TCF3: variants seen among roughly 807,000 people sequenced by gnomAD.
TCF3 encodes transcription factor 3, also known as transcription factor E2-alpha.
In TCF3, 54 loss-of-function variants were observed where a neutral mutation model predicts 72.3. The ratio of observed to expected loss-of-function variants is 0.75; its 90% CI spans 0.60 to 0.94. The LOEUF (loss-of-function observed/expected upper bound fraction) is 0.94, where lower values mean the gene tolerates loss of function less well. Ranked by LOEUF, TCF3 falls within the 40% of genes least tolerant of loss-of-function variation. The pLI, the probability that TCF3 is intolerant of heterozygous loss-of-function variation, is 0.00. For missense variants in TCF3, 1,078 were observed against 934.4 expected (o/e 1.15, Z -2.00); for synonymous variants, 525 against 412.6 (o/e 1.27, Z -3.30).
chr19:1,617,968 G>A (rs981883265), intron 16 of TCF3, among the ~76,000 whole-genome samples: 4 of 152,156 alleles, frequency 2.6e-5, no homozygotes, highest in African/African-American at 9.7e-5. Context: ...ATAGAATCAA[G>A]GTACTTGGAA....
Position 1,645,285 on chromosome 19 carries a change from C to T in TCF3, c.145+1070G>A, listed in dbSNP as rs1038411206. Reference sequence around the variant, plus strand: ...GCCCCAACCCGAGGCCCCCACTCCCCGGAAAGATGCTGATGTCCACAAAGA... The same window carrying T: ...GCCCCAACCCGAGGCCCCCACTCCCTGGAAAGATGCTGATGTCCACAAAGA... On this transcript the variant is annotated intron_variant, in intron 3 of 18. Coordinates refer to ENST00000262965, the MANE Select transcript of TCF3 (RefSeq NM_003200.5). Among the ~76,000 whole-genome samples the T allele has an allele frequency of 2.4e-4, 36 of 152,070 alleles. 1 individual carries two copies. The highest frequency in any genetic ancestry group is 2.1e-4 in the South Asian group (1 of 4,824).
At chr19:1,630,691 C>T (rs943306617) in intron 5 of TCF3, among the ~76,000 whole-genome samples, 1 of 152,192 alleles carries the variant, frequency 6.6e-6, no homozygotes, top group South Asian at 2.1e-4. Context: ...AAGGATCCCG[C>T]ATCCCAGGAT....
chr19:1,648,823 G>GT (rs1446318718), intron 2 of TCF3, among the ~76,000 whole-genome samples: 1 of 150,758 alleles, frequency 6.6e-6, no homozygotes, highest in Admixed American at 6.6e-5. Flanking sequence ...GGCATGGGGG[G>GT]GGGGGGGGAG....
intron 3 of TCF3, 56 bp from the exon 4 acceptor site, chr19:1,632,461 A>G: frequency 6.6e-7 from 1 of 1,525,834 alleles, no homozygotes; most frequent in Non-Finnish European, 8.9e-7. Context: ...CAGCTCTAAA[A>G]GCTTCGGTTC....
At chr19:1,626,584 A>G (rs1026194979) in intron 6 of TCF3, among the ~76,000 whole-genome samples, 2 of 151,800 alleles carry the variant, frequency 1.3e-5, no homozygotes, top group Non-Finnish European at 2.9e-5. Flanking sequence ...GCGGGGCTCG[A>G]TGAGTCACCC....
At chr19:1,647,068 G>C (rs960884010) in intron 2 of TCF3, among the ~76,000 whole-genome samples, 1 of 152,156 alleles carries the variant, frequency 6.6e-6, no homozygotes, top group African/African-American at 2.4e-5. Flanking sequence ...ATGGAGCCCC[G>C]GGCCCGGCAG....
At chr19:1,622,976 C>T (rs1194387444) in intron 8 of TCF3, among the ~76,000 whole-genome samples, 1 of 152,042 alleles carries the variant, frequency 6.6e-6, no homozygotes, top group African/African-American at 2.4e-5. Context: ...GCTGGGTGGG[C>T]CTGATGTTGT....
chr19:1,619,492 G>A lies in TCF3; in HGVS notation c.1168-18C>T, dbSNP rs1401971184. On this transcript the variant is annotated intron_variant, in intron 14 of 18. Transcript: ENST00000262965. ...TTACTCTGCTGCAGGGTGGGGGGAT[G>A]GGTGGTGAGGGGCCCAAGCCGAGGG... is the stretch of plus-strand genomic sequence containing the variant. The A allele has an allele frequency of 5.8e-6, 9 of 1,559,740 alleles. No individual in the cohort carries two copies. The East Asian group carries it at 1.6e-4, about 27-fold the overall frequency.
chr19:1,623,487 G>A (rs1476088052), intron 8 of TCF3, among the ~76,000 whole-genome samples: 1 of 150,116 alleles, frequency 6.7e-6, no homozygotes, highest in East Asian at 2.0e-4. Context: ...GGGTTCAAAC[G>A]ATTCTTCTGC....
intron 3 of TCF3, among the ~76,000 whole-genome samples, chr19:1,643,481 A>T (rs905354762): frequency 1.3e-5 from 2 of 151,972 alleles, no homozygotes; most frequent in African/African-American, 2.4e-5. Flanking sequence ...TTGGTCCCCC[A>T]AAGTGCTGGG....
chr19:1,650,237 C>A lies in TCF3; in HGVS notation c.12G>T (p.Pro4=), dbSNP rs750352850. The A allele has an allele frequency of 3.2e-6, 5 of 1,566,004 alleles. No individual in the cohort carries two copies. The African/African-American group carries it at 4.0e-5, about 13-fold the overall frequency. The part of the protein sequence containing the change: MNQ[P]QRMAPVGTDK... Reference sequence around the variant, plus strand: ...CTGTGCCCACAGGCGCCATCCTCTGCGGCTGGTTCATTCTCCTGGGGCCAG... The same window carrying A: ...CTGTGCCCACAGGCGCCATCCTCTGAGGCTGGTTCATTCTCCTGGGGCCAG... Residue 4 remains proline (P), a synonymous_variant, in exon 2 of 19, where the codon CCG becomes CCT. Coordinates refer to ENST00000262965, the MANE Select transcript of TCF3 (RefSeq NM_003200.5).
rs557300482 is a variant in TCF3, at chr19:1,614,026, C to A, written c.1822+1259G>T. ...GCCCAGGCCTCTGTGCTGCATGGCC[C>A]TGCATGGGTGACCTCGCTCTGTTCC... On this transcript the variant is annotated intron_variant, in intron 18 of 18. Coordinates refer to ENST00000262965, the MANE Select transcript of TCF3 (RefSeq NM_003200.5). This position sits in a 1 kb window ranked among gnomAD's most constrained non-coding sequence, Gnocchi z 5.6. Among the ~76,000 whole-genome samples, 5 of 152,388 alleles carry A rather than the reference C, an allele frequency of 3.3e-5. No individual in the cohort carries two copies. The East Asian group carries it at 9.6e-4, about 29-fold the overall frequency.
intron 5 of TCF3, 38 bp from the exon 6 acceptor site, chr19:1,627,464 C>A: frequency 6.2e-7 from 1 of 1,601,080 alleles, no homozygotes; most frequent in Non-Finnish European, 8.5e-7. Flanking sequence ...GAGGCGACCC[C>A]AAGGAACATC....
rs999597251 is a variant in TCF3, at chr19:1,637,691, C to T, written c.146-5286G>A. Among the ~76,000 whole-genome samples, 11 of 152,292 alleles carry T rather than the reference C, an allele frequency of 7.2e-5. No homozygotes were observed. The South Asian group carries it at 2.3e-3, about 32-fold the overall frequency. On this transcript the variant is annotated intron_variant, in intron 3 of 18. Transcript: ENST00000262965. ...TTGGGAGGCCAAGGCGGGCGGATCA[C>T]GAGGTCCAGAAATCAAGACCATGCT...
chr19:1,612,691 T>G (rs2061140664), intron 18 of TCF3, among the ~76,000 whole-genome samples: 1 of 134,266 alleles, frequency 7.4e-6, no homozygotes, highest in African/African-American at 2.9e-5. Flanking sequence ...GGTGTTGGTG[T>G]GGGCAGCAGT....
At chr19:1,645,256 A>G (rs1484471037) in intron 3 of TCF3, among the ~76,000 whole-genome samples, 1 of 152,046 alleles carries the variant, frequency 6.6e-6, no homozygotes, top group Non-Finnish European at 1.5e-5. Context: ...ACACAGCTTC[A>G]GAGGCCCCAA....
chr19:1,629,102 T>C (rs1334241210), intron 5 of TCF3, among the ~76,000 whole-genome samples: 1 of 90,304 alleles, frequency 1.1e-5, no homozygotes, highest in Non-Finnish European at 2.1e-5. Flanking sequence ...ACAGCAGAGC[T>C]CACGGGGTGA....
At position 1,611,429 on chromosome 19, in the gene TCF3, G is replaced by A. The variant is rs1051250084; in HGVS notation, c.*278C>T. On this transcript the variant is annotated 3_prime_UTR_variant, in exon 19 of 19. Transcript: ENST00000262965. ...CAACAGGGCCAAGATGCAGTTTCAG[G>A]ATCCATGGGACAGGTCACAGAGTGA... is the stretch of plus-strand genomic sequence containing the variant. 7.3e-6 allele frequency: 3 copies of A among 410,048 alleles called. No individual in the cohort carries two copies. The highest frequency in any genetic ancestry group is 1.2e-3 in the Middle Eastern group (2 of 1,632). 25.4% of individuals were successfully genotyped at this position (410,048 alleles called of 1,614,324 possible).
chr19:1,650,507 C>T, intron 1 of TCF3: 1 of 436,828 alleles, frequency 2.3e-6, no homozygotes, highest in Non-Finnish European at 4.1e-6. Context: ...TCCCCAGAGA[C>T]CACAGGGAGT....
Sources: allele counts gnomAD v4.1 joint callset (sites outside exome capture counted in the v4.1 genomes callset), GRCh38; gene constraint gnomAD v4.1.1; non-coding constraint Gnocchi (gnomAD v3.1); transcripts MANE v1.5; gene names NCBI Gene and HGNC (gene_info 2026-07-23, HGNC 2026-07-21).